PPA2: variants seen among roughly 807,000 people sequenced by gnomAD.
PPA2 encodes the protein inorganic pyrophosphatase 2, mitochondrial.
PPA2 carries 48 observed loss-of-function variants against 49.5 expected under a neutral mutation model. The ratio of observed to expected loss-of-function variants is 0.97; its 90% CI spans 0.77 to 1.23. The LOEUF (loss-of-function observed/expected upper bound fraction) is 1.23, where lower values mean the gene tolerates loss of function less well. Ranked by LOEUF, PPA2 falls within the 50% of genes most tolerant of loss-of-function variation. The pLI is 0.00. For missense variants in PPA2, 429 were observed against 410.1 expected (o/e 1.05, Z -0.40); for synonymous variants, 131 against 139.9 (o/e 0.94, Z 0.45).
At chr4:105,373,726 T>C (rs184550309) in intron 10 of PPA2, among the ~76,000 whole-genome samples, 197 of 151,318 alleles carry the variant, frequency 1.3e-3, no homozygotes, top group African/African-American at 4.7e-3. Flanking sequence ...ATTGATAGAA[T>C]ATATTCAGAA....
At position 105,404,740 on chromosome 4, in the gene PPA2, T is replaced by C. The variant is rs186626283; in HGVS notation, c.656-5576A>G. The stretch of plus-strand genomic sequence containing the variant: ...ACTTTGTCCATGAACACAGCCAAAG[T>C]TACACTTACAGGCAAATTAATAGCT... On this transcript the variant is annotated intron_variant, in intron 7 of 11. Transcript: ENST00000341695. Among the ~76,000 whole-genome samples, 457 of 152,280 alleles carry C rather than the reference T, an allele frequency of 3.0e-3. 2 individuals carry two copies. The highest frequency in any genetic ancestry group is 0.01 in the African/African-American group (430 of 41,560).
At chr4:105,411,119 C>A (rs1453968031) in intron 7 of PPA2, among the ~76,000 whole-genome samples, 1 of 152,068 alleles carries the variant, frequency 6.6e-6, no homozygotes, top group South Asian at 2.1e-4. Flanking sequence ...CACAGACTGG[C>A]AAATTGGATA....
intron 7 of PPA2, among the ~76,000 whole-genome samples, chr4:105,412,748 G>C (rs567012989): frequency 2.0e-5 from 3 of 152,190 alleles, no homozygotes; most frequent in Non-Finnish European, 4.4e-5. Flanking sequence ...ATCATTACTG[G>C]TCATCAGAGA....
chr4:105,407,908 G>A (rs1722558292), intron 7 of PPA2, among the ~76,000 whole-genome samples: 1 of 152,180 alleles, frequency 6.6e-6, no homozygotes, highest in Admixed American at 6.5e-5. Context: ...TTTGTATTAT[G>A]AATGTGATAG....
chr4:105,383,672 G>C (rs1475483816), intron 10 of PPA2, among the ~76,000 whole-genome samples: 1 of 152,094 alleles, frequency 6.6e-6, no homozygotes, highest in African/African-American at 2.4e-5. Context: ...TTCCATTACT[G>C]TCTGGCCTTG....
At chr4:105,397,328 T>C (rs796892269) in intron 8 of PPA2, among the ~76,000 whole-genome samples, 1 of 152,298 alleles carries the variant, frequency 6.6e-6, no homozygotes, top group African/African-American at 2.4e-5. Context: ...CTTAATGAGA[T>C]AGTGTTGGGC....
intron 7 of PPA2, among the ~76,000 whole-genome samples, chr4:105,403,414 T>G (rs917152529): frequency 1.3e-5 from 2 of 152,310 alleles, no homozygotes; most frequent in East Asian, 1.9e-4. Flanking sequence ...TGTGCAGCCA[T>G]GATTTACTTT....
At chr4:105,439,418 T>C (rs554134470) in intron 5 of PPA2, among the ~76,000 whole-genome samples, 3 of 152,306 alleles carry the variant, frequency 2.0e-5, no homozygotes, top group Non-Finnish European at 4.4e-5. Flanking sequence ...CTCTGAGCAA[T>C]CTCCTAAGTA....
chr4:105,449,291 A>C, intron 4 of PPA2, 59 bp downstream of exon 4: 1 of 1,067,736 alleles, frequency 9.4e-7, no homozygotes, highest in Non-Finnish European at 1.3e-6. Context: ...AACAACTTGC[A>C]ACAAAGTTTT....
At chr4:105,472,425 A>G (rs1723560031) in intron 1 of PPA2, among the ~76,000 whole-genome samples, 1 of 152,184 alleles carries the variant, frequency 6.6e-6, no homozygotes, top group South Asian at 2.1e-4. Context: ...CTTCATAAAT[A>G]TTTATTATTT....
At position 105,446,494 on chromosome 4, in the gene PPA2, G is replaced by T. The variant is rs781028590; in HGVS notation, c.330C>A (p.Thr110=). Reference sequence around the variant, plus strand: ...GTTTAATGGGATTCATTGGCTCCTTGGTGGCAATCTAAGCAAATCACAGAA... The same window carrying T: ...GTTTAATGGGATTCATTGGCTCCTTTGTGGCAATCTAAGCAAATCACAGAA... ...RWTNAKMEIA[T]KEPMNPIKQY... Residue 110 remains threonine, a synonymous_variant, in exon 5 of 12, where the codon ACC becomes ACA. Transcript: ENST00000341695. The T allele has an allele frequency of 6.2e-7, 1 of 1,600,900 alleles. No homozygotes were observed. Among genetic ancestry groups the T allele is most frequent in the African/African-American group, 1.3e-5 (1 of 74,320 alleles).
At chr4:105,426,443 G>C (rs1244649218) in intron 6 of PPA2, among the ~76,000 whole-genome samples, 1 of 152,212 alleles carries the variant, frequency 6.6e-6, no homozygotes. Flanking sequence ...GGGAAGCCAT[G>C]AGTGACTGTA....
chr4:105,374,431 C>G (rs948400065), intron 10 of PPA2, among the ~76,000 whole-genome samples: 1 of 152,178 alleles, frequency 6.6e-6, no homozygotes, highest in Admixed American at 6.5e-5. Flanking sequence ...GCTATCTACT[C>G]CTCTTCCTCA....
intron 10 of PPA2, among the ~76,000 whole-genome samples, chr4:105,371,095 T>G (rs1010379563): frequency 2.6e-5 from 4 of 152,204 alleles, no homozygotes; most frequent in Non-Finnish European, 5.9e-5. Context: ...TGAAAATATT[T>G]TTTATCTTAA....
intron 6 of PPA2, among the ~76,000 whole-genome samples, chr4:105,430,218 C>T (rs2636738): frequency 0.56 from 84,831 of 151,994 alleles, 23,747 homozygotes; most frequent in East Asian, 0.68. Flanking sequence ...ACTAGAATTT[C>T]AAGTCATAAA....
intron 1 of PPA2, among the ~76,000 whole-genome samples, chr4:105,463,829 T>C (rs919063712): frequency 6.6e-6 from 1 of 152,204 alleles, no homozygotes; most frequent in South Asian, 2.1e-4. Flanking sequence ...AAGTCAAGAA[T>C]TGAGGTTTGG....
chr4:105,443,482 A>G (rs2110296974), intron 5 of PPA2, among the ~76,000 whole-genome samples: 1 of 151,488 alleles, frequency 6.6e-6, no homozygotes, highest in East Asian at 1.9e-4. Flanking sequence ...GAGCTATTCC[A>G]TAAGCTATCC....
At chr4:105,452,233 C>T (rs1416092372) in intron 3 of PPA2, among the ~76,000 whole-genome samples, 1 of 152,120 alleles carries the variant, frequency 6.6e-6, no homozygotes, top group Non-Finnish European at 1.5e-5. Flanking sequence ...AACATAAAAA[C>T]TGTGTTCTAA....
chr4:105,444,002 T>TA (rs1443291047), intron 5 of PPA2, among the ~76,000 whole-genome samples: 6 of 152,190 alleles, frequency 3.9e-5, no homozygotes, highest in Non-Finnish European at 8.8e-5. Context: ...TTGACATACT[T>TA]ACCACCACCT....
Sources: allele counts gnomAD v4.1 joint callset (sites outside exome capture counted in the v4.1 genomes callset), GRCh38; gene constraint gnomAD v4.1.1; transcripts MANE v1.5; gene names NCBI Gene and HGNC (gene_info 2026-07-23, HGNC 2026-07-21).